TRIM60: variants seen among roughly 807,000 people sequenced by gnomAD.
The protein encoded by TRIM60 is tripartite motif-containing protein 60.
For missense variants in TRIM60, 524 were observed against 540.8 expected, an observed-to-expected ratio of 0.97 and a Z score of 0.31; for synonymous variants, 189 against 195.2, an observed-to-expected ratio of 0.97 and a Z score of 0.27.
chr4:165,039,805 A>G (rs1733708643), intron 2 of TRIM60, among the ~76,000 whole-genome samples: 2 of 63,464 alleles, frequency 3.2e-5, no homozygotes. Context: ...ACTCCGTCTC[A>G]AAAAAAAAAA....
Position 165,041,345 on chromosome 4 carries a change from G to C in TRIM60, c.1273G>C (p.Asp425His). 6.2e-7 allele frequency: 1 copy of C among 1,614,094 alleles called. No homozygotes were observed. The highest frequency in any genetic ancestry group is 2.2e-5 in the East Asian group (1 of 44,888). Reference protein sequence around the residue: ...IGIFLDYELGDLSFYNMNDRS... With the variant: ...IGIFLDYELGHLSFYNMNDRS... ...TATTTTTCTGGACTATGAATTGGGT[G>C]ATCTTTCCTTTTATAATATGAATGA... The change falls in exon 3 of 3, where the codon GAT (aspartate) becomes CAT (histidine). Residue 425 changes from aspartate (D) to histidine (H), a missense_variant. Coordinates refer to ENST00000512596, the MANE Select transcript of TRIM60 (RefSeq NM_152620.3).
At chr4:165,033,373 G>A (rs1733550965) in intron 1 of TRIM60, among the ~76,000 whole-genome samples, 3 of 152,120 alleles carry the variant, frequency 2.0e-5, no homozygotes, top group South Asian at 4.1e-4. Context: ...TCAGTTGTGA[G>A]GAAAATAAGG....
At chr4:165,034,189 G>A (rs897716082) in intron 1 of TRIM60, among the ~76,000 whole-genome samples, 23 of 148,600 alleles carry the variant, frequency 1.5e-4, no homozygotes, top group Non-Finnish European at 3.3e-4. Context: ...CTCTCACTCT[G>A]TCGCCCAGGA....
intron 1 of TRIM60, among the ~76,000 whole-genome samples, chr4:165,036,881 C>CAA (rs58526101): frequency 1.3e-5 from 1 of 76,246 alleles, no homozygotes; most frequent in African/African-American, 4.0e-5. Flanking sequence ...GACTCTGTCT[C>CAA]AAAAAAAAAA....
intron 1 of TRIM60, among the ~76,000 whole-genome samples, chr4:165,035,616 G>T (rs982889582): frequency 6.6e-6 from 1 of 152,150 alleles, no homozygotes; most frequent in South Asian, 2.1e-4. Flanking sequence ...CTCCTTCCTA[G>T]CTTATATCAA....
rs1733742770 is a variant in TRIM60, at chr4:165,040,807, C to T, written c.735C>T (p.Asn245=). 1 of 1,614,036 alleles carries T rather than the reference C, an allele frequency of 6.2e-7. No individual in the cohort carries two copies. Among genetic ancestry groups the T allele is most frequent in the South Asian group, 1.1e-5 (1 of 91,078 alleles). ...REVEGKSVQS[N]LELLTQAKSM... ...TAGAGGGCAAGTCTGTGCAGTCAAACCTGGAATTACTGACACAAGCTAAGA... is the reference window on the plus strand; with the variant it reads ...TAGAGGGCAAGTCTGTGCAGTCAAATCTGGAATTACTGACACAAGCTAAGA... The change falls in exon 3 of 3, where the codon AAC becomes AAT. Residue 245 remains asparagine (N), a synonymous_variant. Coordinates refer to ENST00000512596, the MANE Select transcript of TRIM60 (RefSeq NM_152620.3).
Position 165,041,035 on chromosome 4 carries a change from A to G in TRIM60, c.963A>G (p.Arg321=). The change falls in exon 3 of 3, where the codon AGA becomes AGG. Residue 321 remains arginine (R), a synonymous_variant. Transcript: ENST00000512596. ...SEDRKAVRYE[R]KKRNICYDPR... is the part of the protein sequence containing the mutation. ...ATAGAAAAGCTGTGCGATATGAAAG[A>G]AAAAAACGAAACATTTGTTATGACC... is the stretch of plus-strand genomic sequence containing the variant. 1.2e-6 allele frequency: 2 copies of G among 1,614,006 alleles called. No individual in the cohort carries two copies. The highest frequency in any genetic ancestry group is 8.5e-7 in the Non-Finnish European group (1 of 1,179,888).
Position 165,040,794 on chromosome 4 carries a change from C to T in TRIM60, c.722C>T (p.Ser241Phe). Reference sequence around the variant, plus strand: ...CTACTGAGGGAGGTAGAGGGCAAGTCTGTGCAGTCAAACCTGGAATTACTG... The same window carrying T: ...CTACTGAGGGAGGTAGAGGGCAAGTTTGTGCAGTCAAACCTGGAATTACTG... Reference protein sequence around the residue: ...KHLLREVEGKSVQSNLELLTQ... With the variant: ...KHLLREVEGKFVQSNLELLTQ... The change falls in exon 3 of 3, where the codon TCT becomes TTT. Residue 241 changes from serine (S) to phenylalanine (F), a missense_variant. Ser to Phe is a radical substitution (Grantham distance 155). Transcript: ENST00000512596. 6.2e-7 allele frequency: 1 copy of T among 1,614,154 alleles called. No homozygotes were observed. Among genetic ancestry groups the T allele is most frequent in the Non-Finnish European group, 8.5e-7 (1 of 1,180,012 alleles).
chr4:165,041,184 T>G lies in TRIM60; in HGVS notation c.1112T>G (p.Leu371Arg), dbSNP rs762527293. 1 of 1,614,206 alleles carries G rather than the reference T, an allele frequency of 6.2e-7. No homozygotes were observed. The highest frequency in any genetic ancestry group is 8.5e-7 in the Non-Finnish European group (1 of 1,180,038). ...KWILGVCQDC[L>R]LRNWQDQPSV... ...ATATTGGGTGTGTGTCAAGACTGTC[T>G]TCTTAGGAACTGGCAGGATCAGCCA... Residue 371 changes from leucine to arginine, a missense_variant, in exon 3 of 3, where the codon CTT becomes CGT. Leu to Arg is a moderately radical substitution (Grantham distance 102). Coordinates refer to ENST00000512596, the MANE Select transcript of TRIM60 (RefSeq NM_152620.3).
In TRIM60 at chr4:165,041,539, A is replaced by C; in HGVS notation, c.*51A>C. Reference sequence around the variant, plus strand: ...GTTTTTGTAGGTAACTTAGCCAGTAAATTTAATCTCATTTCTGGACTCTTT... The same window carrying C: ...GTTTTTGTAGGTAACTTAGCCAGTACATTTAATCTCATTTCTGGACTCTTT... On this transcript the variant is annotated 3_prime_UTR_variant, in exon 3 of 3. Coordinates refer to ENST00000512596, the MANE Select transcript of TRIM60 (RefSeq NM_152620.3). The C allele has an allele frequency of 3.9e-6, 5 of 1,297,590 alleles. No homozygotes were observed. In the South Asian group the frequency reaches 6.8e-5, roughly 18 times the overall value. 80.4% of individuals were successfully genotyped at this position (1,297,590 alleles called of 1,614,324 possible). A position where few individuals can be genotyped will look rare whatever the true frequency, so the allele number is the denominator to read the frequency against.
At chr4:165,035,021 G>T (rs146741435) in intron 1 of TRIM60, among the ~76,000 whole-genome samples, 1 of 152,220 alleles carries the variant, frequency 6.6e-6, no homozygotes, top group Non-Finnish European at 1.5e-5. Context: ...CCTAGGTTTG[G>T]TGATTTGCTA....
At chr4:165,034,157 T>TTTA (rs1491458369) in intron 1 of TRIM60, among the ~76,000 whole-genome samples, 1 of 69,758 alleles carries the variant, frequency 1.4e-5, no homozygotes, top group Non-Finnish European at 2.4e-5. Context: ...TGAAATACAC[T>TTTA]TTTTTTTTTT....
intron 1 of TRIM60, among the ~76,000 whole-genome samples, chr4:165,035,732 T>C (rs1229281628): frequency 6.6e-6 from 1 of 151,912 alleles, no homozygotes; most frequent in Admixed American, 6.6e-5. Flanking sequence ...TTCTTTCTTT[T>C]TTTTTTTTAG....
chr4:165,040,469 A>T lies in TRIM60; in HGVS notation c.397A>T (p.Ile133Phe), dbSNP rs377134665. The T allele has an allele frequency of 2.5e-6, 4 of 1,614,114 alleles. No individual in the cohort carries two copies. Among genetic ancestry groups the T allele is most frequent in the Non-Finnish European group, 3.4e-6 (4 of 1,180,048 alleles). The change falls in exon 3 of 3, where the codon ATT becomes TTT. Residue 133 changes from isoleucine (I) to phenylalanine (F), a missense_variant. Ile to Phe is a conservative substitution (Grantham distance 21, BLOSUM62 0). Transcript: ENST00000512596. ...ACACCAGAAGCACTACATTTGCCCT[A>T]TTAAGAAAGCTGCCTCTTATCACAG... ...TKHQKHYICP[I>F]KKAASYHREI...
At position 165,040,772 on chromosome 4, in the gene TRIM60, C is replaced by T; in HGVS notation, c.700C>T (p.Leu234=). 1 of 1,614,142 alleles carries T rather than the reference C, an allele frequency of 6.2e-7. No individual in the cohort carries two copies. The highest frequency in any genetic ancestry group is 8.5e-7 in the Non-Finnish European group (1 of 1,180,002). Residue 234 remains leucine, a synonymous_variant, in exon 3 of 3, where the codon CTG becomes TTG. Transcript: ENST00000512596. ...SDYVSTLKHL[L]REVEGKSVQS... is the part of the protein sequence containing the mutation. ...TTATGTTTCCACATTAAAACATCTA[C>T]TGAGGGAGGTAGAGGGCAAGTCTGT...
intron 1 of TRIM60, among the ~76,000 whole-genome samples, chr4:165,036,282 CAG>C (rs778327047): frequency 6.6e-6 from 1 of 151,984 alleles, no homozygotes; most frequent in African/African-American, 2.4e-5. Context: ...GAAACAAACT[CAG>C]AGAAATTAAG....
Position 165,041,544 on chromosome 4 carries a change from AAT to A in TRIM60, c.*57_*58del. On this transcript the variant is annotated 3_prime_UTR_variant, in exon 3 of 3. Transcript: ENST00000512596. ...TGTAGGTAACTTAGCCAGTAAATTT[AAT>A]CTCATTTCTGGACTCTTTAAGTTTT... 7.8e-7 allele frequency: 1 copy of A among 1,283,076 alleles called. No homozygotes were observed. The allele number at this position is 1,283,076 out of a possible 1,614,324, so 79.5% of individuals were successfully genotyped here. A position where few individuals can be genotyped will look rare whatever the true frequency, so the allele number is the denominator to read the frequency against.
At chr4:165,032,943 A>G (rs908942700) in intron 1 of TRIM60, among the ~76,000 whole-genome samples, 1 of 151,458 alleles carries the variant, frequency 6.6e-6, no homozygotes, top group East Asian at 1.9e-4. Context: ...CCCCATGAGG[A>G]GGCCGATGCG....
chr4:165,041,224 A>G lies in TRIM60; in HGVS notation c.1152A>G (p.Gly384=), dbSNP rs1169301123. 1 of 1,614,142 alleles carries G rather than the reference A, an allele frequency of 6.2e-7. No homozygotes were observed. Among genetic ancestry groups the G allele is most frequent in the Admixed American group, 1.7e-5 (1 of 60,014 alleles). ...NWQDQPSVLG[G]FWAIGRYMKS... ...AGGATCAGCCATCAGTTCTGGGCGGATTCTGGGCAATTGGGCGATACATGA... is the reference window on the plus strand; with the variant it reads ...AGGATCAGCCATCAGTTCTGGGCGGGTTCTGGGCAATTGGGCGATACATGA... Residue 384 remains glycine, a synonymous_variant, in exon 3 of 3, where the codon GGA becomes GGG. Coordinates refer to ENST00000512596, the MANE Select transcript of TRIM60 (RefSeq NM_152620.3).
Sources: gnomAD v4.1 joint callset for allele counts (sites outside exome capture counted in the v4.1 genomes callset) on GRCh38, gnomAD v4.1.1 for gene constraint, MANE v1.5 for transcripts, NCBI Gene and HGNC (gene_info 2026-07-23, HGNC 2026-07-21) for gene names.